Variants in GNB1 observed in about 807,000 individuals in gnomAD.
GNB1 encodes guanine nucleotide-binding protein G(I)/G(S)/G(T) subunit beta-1.
GNB1 carries 2 observed loss-of-function variants against 42.9 expected under a neutral mutation model. The ratio of observed to expected loss-of-function variants is 0.05; its 90% CI spans 0.02 to 0.15. The LOEUF is 0.15. Among genes scored for constraint, GNB1 ranks in the 10% least tolerant of loss-of-function variants. The pLI, the probability that GNB1 is intolerant of heterozygous loss-of-function variation, is 1.00. For synonymous variants in GNB1, 183 were observed against 174.7 expected (o/e 1.05, Z -0.38); for missense variants, 193 against 462.2 (o/e 0.42, Z 5.34).
chr1:1,802,815 G>A (rs1029187378), intron 7 of GNB1, among the ~76,000 whole-genome samples: 3 of 150,280 alleles, frequency 2.0e-5, no homozygotes, highest in Non-Finnish European at 1.5e-5. Flanking sequence ...TGTGGCTAAA[G>A]CCATGCTTAG....
chr1:1,787,502 G>A lies in GNB1; in HGVS notation c.917-65C>T, dbSNP rs1377581035. ...GGCATCGATCTCACCTGTGTGCCAT[G>A]TTGTGACGAGGACGGATGGTGCATC... On this transcript the variant is annotated intron_variant, in intron 10 of 11. Coordinates refer to ENST00000378609, the MANE Select transcript of GNB1 (RefSeq NM_002074.5). The surrounding 1 kb of genome is among the most constrained non-coding windows in gnomAD (Gnocchi z 4.4). The A allele has an allele frequency of 4.2e-6, 4 of 948,644 alleles. No homozygotes were observed. Among genetic ancestry groups the A allele is most frequent in the Non-Finnish European group, 6.8e-6 (4 of 590,476 alleles). The allele number at this position is 948,644 out of a possible 1,614,324, so 58.8% of individuals were successfully genotyped here.
intron 1 of GNB1, among the ~76,000 whole-genome samples, chr1:1,885,549 A>ATTTTTTTTTTTTTTTTTTT (rs1380160228): frequency 7.1e-6 from 1 of 140,628 alleles, no homozygotes; most frequent in African/African-American, 2.6e-5. Context: ...CTTCCACTTA[A>ATTTTTTTTTTTTTTTTTTT]TCTTTTTTTT....
rs1039504140 is a variant in GNB1 at position 1,790,723 on chromosome 1, C to T, written c.498-127G>A. 9.4e-6 allele frequency: 6 copies of T among 640,158 alleles called. No homozygotes were observed. The highest frequency in any genetic ancestry group is 3.8e-5 in the South Asian group (2 of 52,896). 39.7% of individuals were successfully genotyped at this position (640,158 alleles called of 1,614,324 possible). ...AGCCTCTGCACTGTTACTTTAAAAA[C>T]GTAAATTGTTTAAAGACAAATTTAA... On this transcript the variant is annotated intron_variant, in intron 8 of 11. Transcript: ENST00000378609. The surrounding 1 kb of genome is among the most constrained non-coding windows in gnomAD (Gnocchi z 5.4).
intron 1 of GNB1, among the ~76,000 whole-genome samples, chr1:1,843,558 C>G (rs1647443202): frequency 6.6e-6 from 1 of 152,164 alleles, no homozygotes; most frequent in Non-Finnish European, 1.5e-5. Flanking sequence ...TGCCCTGTGG[C>G]TCAAATCATG....
rs192339274 is a variant in GNB1, at chr1:1,787,279, G to A, written c.*9+43C>T. The A allele has an allele frequency of 5.3e-6, 5 of 943,164 alleles. No homozygotes were observed. The Admixed American group carries it at 7.5e-5, about 14-fold the overall frequency. The allele number at this position is 943,164 out of a possible 1,614,324, so 58.4% of individuals were successfully genotyped here. Reference sequence around the variant, plus strand: ...ACTTCAAATGTTCTATGAGAAACACGCACAGTTCTCCTCAGAGAAGGGCAT... The same window carrying A: ...ACTTCAAATGTTCTATGAGAAACACACACAGTTCTCCTCAGAGAAGGGCAT... On this transcript the variant is annotated intron_variant, in intron 11 of 11. Transcript: ENST00000378609. This position sits in a 1 kb window ranked among gnomAD's most constrained non-coding sequence, Gnocchi z 4.4.
intron 3 of GNB1, among the ~76,000 whole-genome samples, chr1:1,824,199 T>C (rs1646967505): frequency 6.6e-6 from 1 of 152,200 alleles, no homozygotes; most frequent in Non-Finnish European, 1.5e-5. Context: ...TCTTTTTCTC[T>C]TACTCTTCAC....
intron 8 of GNB1, among the ~76,000 whole-genome samples, chr1:1,791,656 G>A (rs1464635379): frequency 6.6e-6 from 1 of 152,148 alleles, no homozygotes; most frequent in African/African-American, 2.4e-5. Context: ...AGCACTGTCC[G>A]TTCATGTCAG....
At chr1:1,796,225 G>A (rs769144733) in intron 7 of GNB1, among the ~76,000 whole-genome samples, 51 of 152,168 alleles carry the variant, frequency 3.4e-4, no homozygotes, top group African/African-American at 2.4e-5. Context: ...TGTCCAGTGC[G>A]GCTGGAGAGC....
chr1:1,839,380 T>C (rs1209768097), intron 1 of GNB1, 142 bp from the exon 2 acceptor site: 1 of 152,192 alleles, frequency 6.6e-6, no homozygotes, highest in Non-Finnish European at 1.5e-5. Context: ...AATTGCTTTA[T>C]TTAGCAGTAC....
At chr1:1,805,469 C>T (rs1377757874) in intron 6 of GNB1, among the ~76,000 whole-genome samples, 1 of 151,926 alleles carries the variant, frequency 6.6e-6, no homozygotes, top group East Asian at 1.9e-4. Flanking sequence ...CTCAAAAACA[C>T]AAAAAAACCC....
intron 2 of GNB1, among the ~76,000 whole-genome samples, chr1:1,826,968 A>T (rs904502039): frequency 2.6e-5 from 4 of 152,204 alleles, no homozygotes; most frequent in African/African-American, 9.7e-5. Context: ...AATCCCTTAC[A>T]ATTAGCTCTC....
chr1:1,845,253 T>G (rs1279949203), intron 1 of GNB1, among the ~76,000 whole-genome samples: 1 of 152,200 alleles, frequency 6.6e-6, no homozygotes. Flanking sequence ...AGTTCTGAAA[T>G]TTAAGCGTCA....
At chr1:1,858,835 G>A (rs1253104817) in intron 1 of GNB1, among the ~76,000 whole-genome samples, 1 of 152,144 alleles carries the variant, frequency 6.6e-6, no homozygotes, top group Non-Finnish European at 1.5e-5. Flanking sequence ...TCCTAATAAA[G>A]CCCTGTTTGC....
Position 1,804,517 on chromosome 1 carries a change from T to C in GNB1, c.332A>G (p.Tyr111Cys), listed in dbSNP as rs1646670383. The C allele has an allele frequency of 2.5e-6, 4 of 1,613,564 alleles. No homozygotes were observed. Among genetic ancestry groups the C allele is most frequent in the South Asian group, 1.1e-5 (1 of 91,070 alleles). ...MTCAYAPSGNYVACGGLDNIC... is the reference protein window; with the variant it reads ...MTCAYAPSGNCVACGGLDNIC... ...GTTATCCAGGCCACCGCAGGCCACA[T>C]AGTTCCCAGAAGGGGCATATGCACA... The change falls in exon 7 of 12, where the codon TAT becomes TGT. Residue 111 changes from tyrosine (Y) to cysteine (C), a missense_variant. Tyr to Cys is a radical substitution (Grantham distance 194). Around this residue, in one of 2 missense-constraint regions of GNB1, gnomAD observed 150 missense variants for 410.8 expected, o/e 0.37. Coordinates refer to ENST00000378609, the MANE Select transcript of GNB1 (RefSeq NM_002074.5).
chr1:1,878,313 G>A (rs1053678292), intron 1 of GNB1, among the ~76,000 whole-genome samples: 15 of 152,268 alleles, frequency 9.9e-5, no homozygotes, highest in Middle Eastern at 3.4e-3. Flanking sequence ...AGGTTGTAGG[G>A]AATTTATTTC....
intron 7 of GNB1, chr1:1,793,535 C>G (rs1646508263): frequency 5.0e-6 from 2 of 398,418 alleles, no homozygotes; most frequent in Non-Finnish European, 9.3e-6. Context: ...CCACAGAGAC[C>G]CACAGCTCCG....
intron 1 of GNB1, among the ~76,000 whole-genome samples, chr1:1,863,910 G>C (rs1648768189): frequency 6.6e-6 from 1 of 152,218 alleles, no homozygotes; most frequent in African/African-American, 2.4e-5. Flanking sequence ...GAAAACAAGA[G>C]GGTCTGGGCC....
chr1:1,871,970 A>AT (rs1400469788), intron 1 of GNB1, among the ~76,000 whole-genome samples: 2 of 148,186 alleles, frequency 1.3e-5, no homozygotes, highest in African/African-American at 5.0e-5. Flanking sequence ...CCGACAATCC[A>AT]TTTTTCATTC....
intron 5 of GNB1, among the ~76,000 whole-genome samples, chr1:1,809,022 A>G (rs1384968140): frequency 1.3e-5 from 2 of 152,174 alleles, no homozygotes; most frequent in Non-Finnish European, 2.9e-5. Context: ...CGCTCTCTCA[A>G]GTTTTGTTGA....
Sources: allele counts gnomAD v4.1 joint callset (sites outside exome capture counted in the v4.1 genomes callset), GRCh38; gene constraint gnomAD v4.1.1; regional missense constraint gnomAD v4.1.1; non-coding constraint Gnocchi (gnomAD v3.1); transcripts MANE v1.5; gene names NCBI Gene and HGNC (gene_info 2026-07-23, HGNC 2026-07-21).